NRG3: variants seen among roughly 807,000 people sequenced by gnomAD.
NRG3 encodes pro-neuregulin-3, membrane-bound isoform.
A neutral mutation model predicts 66.9 loss-of-function variants in NRG3; 31 were observed. That is an observed-to-expected ratio of 0.46 (90% CI 0.35 to 0.63). The LOEUF (loss-of-function observed/expected upper bound fraction) is 0.63, where lower values mean the gene tolerates loss of function less well. NRG3 is among the 20% of genes least tolerant of loss of function. The pLI, the probability that NRG3 is intolerant of heterozygous loss-of-function variation, is 0.00. For missense variants in NRG3, 910 were observed against 878.9 expected, an observed-to-expected ratio of 1.04 and a Z score of -0.45; for synonymous variants, 393 against 359.4, an observed-to-expected ratio of 1.09 and a Z score of -1.06.
intron 4 of NRG3, among the ~76,000 whole-genome samples, chr10:82,923,887 A>G (rs931991490): frequency 6.6e-6 from 1 of 151,900 alleles, no homozygotes; most frequent in Non-Finnish European, 1.5e-5. Flanking sequence ...GCTTGAGGTT[A>G]GGAGTTCAAG....
At chr10:82,130,687 A>T (rs1011548865) in intron 1 of NRG3, among the ~76,000 whole-genome samples, 1 of 152,018 alleles carries the variant, frequency 6.6e-6, no homozygotes. Context: ...TTTTCTCCAC[A>T]TTCTCGCCAG....
intron 2 of NRG3, among the ~76,000 whole-genome samples, chr10:82,376,171 TG>T (rs1324715158): frequency 6.6e-6 from 1 of 152,190 alleles, no homozygotes; most frequent in Non-Finnish European, 1.5e-5. Context: ...AACGTGCGTC[TG>T]GCCTTATCTA....
At chr10:82,232,915 G>A in intron 1 of NRG3, 1 of 697,376 alleles carries the variant, frequency 1.4e-6, no homozygotes, top group Non-Finnish European at 2.7e-6. Context: ...AATTTCTCCA[G>A]AATTTGGGAA....
At chr10:82,829,793 C>G (rs2062424923) in intron 3 of NRG3, among the ~76,000 whole-genome samples, 1 of 152,094 alleles carries the variant, frequency 6.6e-6, no homozygotes, top group Non-Finnish European at 1.5e-5. Flanking sequence ...CTTGGTGGAA[C>G]AGATTACTAA....
intron 1 of NRG3, among the ~76,000 whole-genome samples, chr10:82,174,505 T>A (rs1285405589): frequency 6.6e-6 from 1 of 152,144 alleles, no homozygotes; most frequent in African/African-American, 2.4e-5. Flanking sequence ...CTATTTCTTC[T>A]GTTTGTTTTA....
chr10:81,900,897 G>C (rs958386593), intron 1 of NRG3, among the ~76,000 whole-genome samples: 1 of 151,948 alleles, frequency 6.6e-6, no homozygotes, highest in African/African-American at 2.4e-5. Flanking sequence ...TTTAAAAGAG[G>C]TTTTTCTGGA....
At chr10:81,909,578 C>T (rs940015338) in intron 1 of NRG3, among the ~76,000 whole-genome samples, 2 of 152,122 alleles carry the variant, frequency 1.3e-5, no homozygotes, top group African/African-American at 4.8e-5. Flanking sequence ...TGGCTGCAAA[C>T]CTGTGACTGG....
In NRG3 at chr10:82,374,326, C is replaced by T. The variant is rs565981387; in HGVS notation, c.953+15458C>T. Among the ~76,000 whole-genome samples the T allele has an allele frequency of 3.9e-5, 6 of 152,300 alleles. No homozygotes were observed. In the East Asian group the frequency reaches 9.7e-4, roughly 25 times the overall value. ...AGAGGGAAGGTCGCTTCCTCAAAGA[C>T]GCCCACCAGTAGGTAGGAGGTCTGA... On this transcript the variant is annotated intron_variant, in intron 2 of 8. Coordinates refer to ENST00000372141, the MANE Select transcript of NRG3 (RefSeq NM_001010848.4).
chr10:82,079,454 C>A (rs2065272037), intron 1 of NRG3, among the ~76,000 whole-genome samples: 1 of 152,210 alleles, frequency 6.6e-6, no homozygotes, highest in Non-Finnish European at 1.5e-5. Context: ...TATCAATATC[C>A]TCCACCAAAG....
chr10:82,727,328 G>GA (rs35369132), intron 2 of NRG3, among the ~76,000 whole-genome samples: 7 of 151,672 alleles, frequency 4.6e-5, no homozygotes, highest in Admixed American at 1.3e-4. Context: ...AGGCCTAGGA[G>GA]AAAAAAAAAT....
intron 2 of NRG3, among the ~76,000 whole-genome samples, chr10:82,527,595 A>G (rs1213925947): frequency 2.0e-5 from 3 of 152,214 alleles, no homozygotes; most frequent in African/African-American, 4.8e-5. Flanking sequence ...TCATAGGTAT[A>G]AAAGGGAGAA....
chr10:82,374,745 T>C (rs1398016129), intron 2 of NRG3, among the ~76,000 whole-genome samples: 1 of 152,130 alleles, frequency 6.6e-6, no homozygotes, highest in Non-Finnish European at 1.5e-5. Context: ...CAGCTCACAA[T>C]AGGACCCTTA....
chr10:81,998,644 G>A (rs1352617559), intron 1 of NRG3, among the ~76,000 whole-genome samples: 1 of 152,154 alleles, frequency 6.6e-6, no homozygotes, highest in Non-Finnish European at 1.5e-5. Context: ...CAAGTGTTAT[G>A]TGATAAAACA....
At chr10:82,268,696 A>G (rs1302780956) in intron 1 of NRG3, among the ~76,000 whole-genome samples, 1 of 151,920 alleles carries the variant, frequency 6.6e-6, no homozygotes, top group Non-Finnish European at 1.5e-5. Context: ...GGGTTTAGTT[A>G]TGTTTTGTTT....
chr10:82,896,794 T>C (rs950165886), intron 4 of NRG3, among the ~76,000 whole-genome samples: 2 of 152,218 alleles, frequency 1.3e-5, no homozygotes, highest in Non-Finnish European at 2.9e-5. Context: ...CCTCATTACA[T>C]TTGAGAAACC....
At chr10:82,774,002 G>A (rs952376217) in intron 3 of NRG3, among the ~76,000 whole-genome samples, 1 of 152,162 alleles carries the variant, frequency 6.6e-6, no homozygotes, top group Non-Finnish European at 1.5e-5. Flanking sequence ...ATATATCACA[G>A]TGACTGATTT....
In NRG3 at chr10:82,589,564, T is replaced by A. The variant is rs756254006; in HGVS notation, c.954-149013T>A. Among the ~76,000 whole-genome samples, 44 of 152,084 alleles carry A rather than the reference T, an allele frequency of 2.9e-4. 1 individual carries two copies. Among genetic ancestry groups the A allele is most frequent in the Admixed American group, 2.4e-3 (37 of 15,272 alleles). ...GGGCAATTCTGCTTCATTTCAATATTTATATAGCTTGTTAAGGGAACTTTC... is the reference window on the plus strand; with the variant it reads ...GGGCAATTCTGCTTCATTTCAATATATATATAGCTTGTTAAGGGAACTTTC... On this transcript the variant is annotated intron_variant, in intron 2 of 8. Coordinates refer to ENST00000372141, the MANE Select transcript of NRG3 (RefSeq NM_001010848.4).
chr10:82,304,496 T>A (rs1384829088), intron 1 of NRG3, among the ~76,000 whole-genome samples: 1 of 152,234 alleles, frequency 6.6e-6, no homozygotes, highest in Non-Finnish European at 1.5e-5. Flanking sequence ...AATATTTTTG[T>A]AGTTGAATTT....
intron 2 of NRG3, among the ~76,000 whole-genome samples, chr10:82,519,404 C>A (rs1845986845): frequency 1.3e-5 from 2 of 152,134 alleles, no homozygotes; most frequent in Non-Finnish European, 2.9e-5. Context: ...TTGAATATAG[C>A]AGATTGTTCT....
Sources: allele counts gnomAD v4.1 joint callset (sites outside exome capture counted in the v4.1 genomes callset), GRCh38; gene constraint gnomAD v4.1.1; transcripts MANE v1.5; gene names NCBI Gene and HGNC (gene_info 2026-07-23, HGNC 2026-07-21).